Variants in PDCD6 observed in about 807,000 individuals in gnomAD.
PDCD6 encodes programmed cell death 6.
PDCD6 carries 12 observed loss-of-function variants against 28.3 expected under a neutral mutation model. The ratio of observed to expected loss-of-function variants is 0.42; its 90% CI spans 0.27 to 0.69. The LOEUF (loss-of-function observed/expected upper bound fraction) is 0.69. PDCD6 is among the 30% of genes least tolerant of loss of function. The pLI is 0.22. For synonymous variants in PDCD6, 92 were observed against 108.0 expected (o/e 0.85, Z 0.92); for missense variants, 226 against 269.9 (o/e 0.84, Z 1.14).
intron 5 of PDCD6, chr5:311,798 A>G (rs555439053): frequency 3.0e-5 from 6 of 202,342 alleles, no homozygotes; most frequent in African/African-American, 9.6e-5. Context: ...GGTTTAAGCA[A>G]TTCTCCTGCC....
intron 2 of PDCD6, among the ~76,000 whole-genome samples, chr5:301,497 C>T (rs1740045376): frequency 1.3e-5 from 2 of 152,222 alleles, no homozygotes; most frequent in Admixed American, 6.5e-5. Flanking sequence ...ATACATATAC[C>T]TGTCTACTCT....
At chr5:301,273 C>T (rs1377114234) in intron 2 of PDCD6, among the ~76,000 whole-genome samples, 5 of 152,164 alleles carry the variant, frequency 3.3e-5, no homozygotes, top group African/African-American at 9.7e-5. Context: ...CTTCTGTCAG[C>T]GCTGGGTCAG....
At chr5:282,905 C>T (rs1738680310) in intron 2 of PDCD6, among the ~76,000 whole-genome samples, 1 of 151,232 alleles carries the variant, frequency 6.6e-6, no homozygotes, top group South Asian at 2.1e-4. Flanking sequence ...AGCTGAGGTT[C>T]TAGTTTGAGG....
At chr5:303,922 G>T (rs142367123) in intron 2 of PDCD6, among the ~76,000 whole-genome samples, 1 of 151,430 alleles carries the variant, frequency 6.6e-6, no homozygotes, top group African/African-American at 2.5e-5. Context: ...ATGTCCAGCC[G>T]CGATGACTGT....
chr5:286,370 C>A (rs1164981396), intron 2 of PDCD6, among the ~76,000 whole-genome samples: 1 of 151,266 alleles, frequency 6.6e-6, no homozygotes, highest in Non-Finnish European at 1.5e-5. Context: ...AGCTGGAGAT[C>A]CGGGGGTGAG....
intron 2 of PDCD6, among the ~76,000 whole-genome samples, chr5:283,408 C>T (rs79350524): frequency 0.025 from 2,970 of 117,584 alleles, no homozygotes; most frequent in African/African-American, 0.089. Flanking sequence ...GCTGCAGACC[C>T]AGAGAGGAGC....
intron 2 of PDCD6, among the ~76,000 whole-genome samples, chr5:302,491 CTGTGTGTGTG>C (rs111715060): frequency 9.4e-5 from 5 of 53,362 alleles, no homozygotes; most frequent in Non-Finnish European, 1.6e-4. Flanking sequence ...AGTGCTGCTG[CTGTGTGTGTG>C]TGTGTGTGTG....
chr5:312,053 CTG>C (rs1311288091), intron 5 of PDCD6: 1 of 153,588 alleles, frequency 6.5e-6, no homozygotes, highest in Non-Finnish European at 1.4e-5. Context: ...GTGGTCATCA[CTG>C]TGTCCTGCCG....
At chr5:291,467 T>C (rs1304567405) in intron 2 of PDCD6, among the ~76,000 whole-genome samples, 16 of 136,708 alleles carry the variant, frequency 1.2e-4, no homozygotes, top group East Asian at 2.4e-4. Flanking sequence ...ACTGACATGG[T>C]TCATTTTCAT....
At chr5:274,830 G>A (rs1490235189) in intron 2 of PDCD6, among the ~76,000 whole-genome samples, 1 of 152,114 alleles carries the variant, frequency 6.6e-6, no homozygotes, top group African/African-American at 2.4e-5. Context: ...AGTGTATATA[G>A]CTCTTTAACC....
chr5:296,260 G>T (rs1264822452), intron 2 of PDCD6, among the ~76,000 whole-genome samples: 4 of 152,168 alleles, frequency 2.6e-5, no homozygotes, highest in African/African-American at 9.7e-5. Context: ...TCGACCCTCA[G>T]ATAAGGCCCA....
intron 4 of PDCD6, 99 bp from the exon 5 acceptor site, chr5:311,194 G>A: frequency 1.2e-6 from 1 of 842,862 alleles, no homozygotes; most frequent in South Asian, 1.4e-5. Flanking sequence ...CTTGCATTGT[G>A]TGTGTTAGAG....
chr5:278,766 C>G (rs1259153908), intron 2 of PDCD6, among the ~76,000 whole-genome samples: 3 of 138,796 alleles, frequency 2.2e-5, no homozygotes, highest in Non-Finnish European at 3.1e-5. Flanking sequence ...ATGGGGCAAG[C>G]AGGGGAGAGG....
chr5:306,884 G>C (rs951059360), intron 4 of PDCD6, 124 bp downstream of exon 4: 2 of 911,144 alleles, frequency 2.2e-6, no homozygotes, highest in Non-Finnish European at 3.6e-6. Context: ...TTTTGTTGAC[G>C]TCATGCAGGT....
At chr5:279,802 A>C (rs1042605083) in intron 2 of PDCD6, among the ~76,000 whole-genome samples, 2 of 148,640 alleles carry the variant, frequency 1.3e-5, no homozygotes, top group African/African-American at 5.2e-5. Context: ...AAAAAAAAAA[A>C]AAAACGAGGA....
intron 2 of PDCD6, among the ~76,000 whole-genome samples, chr5:297,423 A>G (rs958940535): frequency 2.0e-5 from 3 of 152,260 alleles, no homozygotes; most frequent in Non-Finnish European, 4.4e-5. Context: ...CATGTAGGCG[A>G]TAGATTTGTA....
intron 4 of PDCD6, chr5:308,617 T>G (rs529608910): frequency 6.6e-6 from 1 of 152,344 alleles, no homozygotes; most frequent in Non-Finnish European, 1.5e-5. Flanking sequence ...TTTGAAAGAT[T>G]TCCCATAGTA....
chr5:312,711 G>A (rs1046194869), intron 5 of PDCD6, among the ~76,000 whole-genome samples: 13 of 152,192 alleles, frequency 8.5e-5, no homozygotes, highest in Non-Finnish European at 1.3e-4. Context: ...TCAGGAGGCT[G>A]AGGCAGGAGA....
chr5:286,094 A>G (rs1315627352), intron 2 of PDCD6, among the ~76,000 whole-genome samples: 4 of 140,132 alleles, frequency 2.9e-5, no homozygotes, highest in South Asian at 2.3e-4. Context: ...CTGAGGACCC[A>G]GGGGGGAGCT....
Sources: allele counts gnomAD v4.1 joint callset (sites outside exome capture counted in the v4.1 genomes callset), GRCh38; gene constraint gnomAD v4.1.1; transcripts MANE v1.5; gene names NCBI Gene and HGNC (gene_info 2026-07-23, HGNC 2026-07-21).